ASH1L: variants seen among roughly 807,000 people sequenced by gnomAD.
ASH1L encodes the protein histone-lysine N-methyltransferase ASH1L.
Under a neutral mutation model 269.0 loss-of-function variants are expected in ASH1L, and 23 were observed. That is an observed-to-expected ratio of 0.09 (90% confidence interval 0.06 to 0.12). ASH1L has a LOEUF of 0.12. ASH1L is among the 10% of genes least tolerant of loss of function. The pLI is 1.00. For synonymous variants in ASH1L, 1,187 were observed against 1,253.5 expected (o/e 0.95, Z 1.12); for missense variants, 2,912 against 3,567.8 (o/e 0.82, Z 4.68).
chr1:155,554,691 G>A (rs1022057057), intron 1 of ASH1L, among the ~76,000 whole-genome samples: 22 of 151,866 alleles, frequency 1.4e-4, no homozygotes, highest in African/African-American at 5.3e-4. Flanking sequence ...TTACATCTGA[G>A]ATTTAAAAAA....
At chr1:155,497,632 G>A (rs1667237652) in intron 2 of ASH1L, among the ~76,000 whole-genome samples, 1 of 152,126 alleles carries the variant, frequency 6.6e-6, no homozygotes. Context: ...TTCTGGGGGA[G>A]TCAAAAGTTA....
At chr1:155,489,689 C>T (rs1195594778) in intron 2 of ASH1L, among the ~76,000 whole-genome samples, 2 of 151,508 alleles carry the variant, frequency 1.3e-5, no homozygotes, top group African/African-American at 2.4e-5. Flanking sequence ...ACCTGGGAGG[C>T]GGAGCTTGCG....
intron 21 of ASH1L, among the ~76,000 whole-genome samples, chr1:155,345,174 C>CTTTTTTTT (rs397981613): frequency 4.7e-5 from 3 of 64,022 alleles, no homozygotes; most frequent in African/African-American, 6.5e-5. Flanking sequence ...CCAGGATGGT[C>CTTTTTTTT]TTTTTTTTTT....
chr1:155,536,627 G>A (rs1670074979), intron 1 of ASH1L, among the ~76,000 whole-genome samples: 1 of 152,098 alleles, frequency 6.6e-6, no homozygotes, highest in Non-Finnish European at 1.5e-5. Flanking sequence ...ACATAATGAG[G>A]GAGGCTAATC....
chr1:155,457,913 A>G (rs901799663), intron 4 of ASH1L, among the ~76,000 whole-genome samples: 1 of 152,184 alleles, frequency 6.6e-6, no homozygotes, highest in African/African-American at 2.4e-5. Flanking sequence ...TTTTTCTGTA[A>G]AAGGCCAGAG....
chr1:155,408,948 A>G (rs1488865483), intron 6 of ASH1L, among the ~76,000 whole-genome samples: 1 of 151,706 alleles, frequency 6.6e-6, no homozygotes, highest in African/African-American at 2.4e-5. Flanking sequence ...GAGTTTACGG[A>G]GAAAAAAAAA....
At chr1:155,437,081 T>C (rs142562169) in intron 5 of ASH1L, among the ~76,000 whole-genome samples, 143 of 152,296 alleles carry the variant, frequency 9.4e-4, no homozygotes, top group African/African-American at 3.1e-3. Context: ...TTGATTACCA[T>C]AGCTTTATAG....
At chr1:155,436,490 A>AT (rs1662104066) in intron 5 of ASH1L, among the ~76,000 whole-genome samples, 1 of 72,634 alleles carries the variant, frequency 1.4e-5, no homozygotes, top group East Asian at 1.0e-3. Context: ...CCATGCGTGG[A>AT]CTTTTTTTTT....
intron 15 of ASH1L, 126 bp downstream of exon 15, chr1:155,357,190 T>A: frequency 1.3e-5 from 4 of 319,816 alleles, no homozygotes; most frequent in South Asian, 4.2e-5. Context: ...GGTTCATAGA[T>A]CCCCTGAACC....
intron 5 of ASH1L, among the ~76,000 whole-genome samples, chr1:155,437,930 C>A (rs1662230184): frequency 6.6e-6 from 1 of 152,214 alleles, no homozygotes; most frequent in Non-Finnish European, 1.5e-5. Flanking sequence ...TCTTGGCTCA[C>A]TGCAGCCTCC....
intron 2 of ASH1L, among the ~76,000 whole-genome samples, chr1:155,517,902 G>A (rs1372930473): frequency 1.5e-5 from 2 of 132,706 alleles, no homozygotes; most frequent in Non-Finnish European, 3.1e-5. Flanking sequence ...CCGGGTTCAC[G>A]CCATTCTCCT....
At position 155,562,699 on chromosome 1, in the gene ASH1L, C is replaced by G. The variant is rs1222050195; in HGVS notation, c.-646G>C. The G allele has an allele frequency of 1.3e-6, 2 of 1,493,854 alleles. No individual in the cohort carries two copies. The highest frequency in any genetic ancestry group is 5.0e-5 in the East Asian group (2 of 40,384). The allele number at this position is 1,493,854 out of a possible 1,614,324, so 92.5% of individuals were successfully genotyped here. On this transcript the variant is annotated 5_prime_UTR_variant, in exon 1 of 28. Transcript: ENST00000392403. ...CGCCAGCCAGCCCGTACGCGCTCAC[C>G]CACAGGAACCCCCTCGTCCAGTCCC...
chr1:155,342,580 A>G (rs1406637523), intron 24 of ASH1L, among the ~76,000 whole-genome samples: 2 of 152,242 alleles, frequency 1.3e-5, no homozygotes, highest in Non-Finnish European at 2.9e-5. Flanking sequence ...CTGAGAGAAC[A>G]GTCTAGGCAA....
chr1:155,421,564 G>A (rs180776776), intron 5 of ASH1L, among the ~76,000 whole-genome samples: 39 of 151,568 alleles, frequency 2.6e-4, no homozygotes, highest in South Asian at 1.5e-3. Flanking sequence ...CCAGCTACTC[G>A]GGAGGCTGAG....
At chr1:155,554,081 G>C (rs932304130) in intron 1 of ASH1L, among the ~76,000 whole-genome samples, 1 of 150,270 alleles carries the variant, frequency 6.7e-6, no homozygotes, top group Non-Finnish European at 1.5e-5. Flanking sequence ...CGCCCGGCCC[G>C]AGTTTTTTTT....
At chr1:155,405,430 C>G (rs1366864623) in intron 6 of ASH1L, among the ~76,000 whole-genome samples, 1 of 151,914 alleles carries the variant, frequency 6.6e-6, no homozygotes, top group Non-Finnish European at 1.5e-5. Flanking sequence ...TGCAGTGAGC[C>G]GAGATGAAGC....
intron 1 of ASH1L, 33 bp downstream of exon 1, chr1:155,562,120 G>C (rs1300193828): frequency 1.4e-6 from 2 of 1,381,206 alleles, no homozygotes; most frequent in Admixed American, 1.8e-5. Flanking sequence ...AGAGTGCTTA[G>C]GCCCGAATGC....
rs374233631 is a variant in ASH1L, at chr1:155,558,652, CCT to C, written c.-100+3499_-100+3500del. 3.7e-3 allele frequency among the ~76,000 whole-genome samples: 562 copies of C among 152,110 alleles called. 4 individuals are homozygous for C. Among genetic ancestry groups the C allele is most frequent in the African/African-American group, 0.013 (539 of 41,478 alleles). On this transcript the variant is annotated intron_variant, in intron 1 of 27. Transcript: ENST00000392403. ...TCCAACTCCTGGGTCAAGTAATTCC[CCT>C]GTCTCAGCCTCCAGAGTAGCTAGGA... is the stretch of plus-strand genomic sequence containing the variant.
chr1:155,528,013 C>G (rs937787990), intron 1 of ASH1L, among the ~76,000 whole-genome samples: 6 of 152,088 alleles, frequency 3.9e-5, no homozygotes, highest in African/African-American at 1.4e-4. Context: ...TCCAGTCTTA[C>G]GGCTTTAAAT....
Sources: gnomAD v4.1 joint callset for allele counts (sites outside exome capture counted in the v4.1 genomes callset) on GRCh38, gnomAD v4.1.1 for gene constraint, MANE v1.5 for transcripts, NCBI Gene and HGNC (gene_info 2026-07-23, HGNC 2026-07-21) for gene names.